Variants in AGBL4 observed in about 807,000 individuals in gnomAD.
The protein encoded by AGBL4 is cytosolic carboxypeptidase 6.
A neutral mutation model predicts 66.4 loss-of-function variants in AGBL4; 58 were observed. That is an observed-to-expected ratio of 0.87 (90% CI 0.71 to 1.09). The LOEUF is 1.09. Ranked by LOEUF, AGBL4 falls within the 50% of genes least tolerant of loss-of-function variation. The pLI is 0.00. For missense variants in AGBL4, 579 were observed against 631.0 expected (o/e 0.92, Z 0.88); for synonymous variants, 234 against 222.9 (o/e 1.05, Z -0.44).
At chr1:49,946,841 CA>C (rs1276276983) in intron 1 of AGBL4, among the ~76,000 whole-genome samples, 1 of 151,482 alleles carries the variant, frequency 6.6e-6, no homozygotes, top group Non-Finnish European at 1.5e-5. Flanking sequence ...AGAGAAGATC[CA>C]AATAAGCTCA....
At chr1:48,599,807 G>A (rs1645048483) in intron 9 of AGBL4, among the ~76,000 whole-genome samples, 1 of 152,218 alleles carries the variant, frequency 6.6e-6, no homozygotes, top group Non-Finnish European at 1.5e-5. Flanking sequence ...AAGACAGGAA[G>A]TGTCAAGTAG....
At chr1:49,043,645 T>A (rs1453389867) in intron 5 of AGBL4, among the ~76,000 whole-genome samples, 1 of 152,204 alleles carries the variant, frequency 6.6e-6, no homozygotes, top group African/African-American at 2.4e-5. Flanking sequence ...TGCTGACTCA[T>A]ATACCATGTA....
intron 1 of AGBL4, among the ~76,000 whole-genome samples, chr1:49,881,956 C>T (rs2148144906): frequency 6.6e-6 from 1 of 152,228 alleles, no homozygotes; most frequent in East Asian, 1.9e-4. Context: ...ACATGAAGTC[C>T]TTGCCTGTGC....
intron 1 of AGBL4, among the ~76,000 whole-genome samples, chr1:49,937,506 G>A (rs1334725865): frequency 6.6e-6 from 1 of 151,992 alleles, no homozygotes; most frequent in Non-Finnish European, 1.5e-5. Context: ...GACATCTACA[G>A]AACTCTCCAC....
At chr1:48,892,153 C>T (rs529774382) in intron 5 of AGBL4, among the ~76,000 whole-genome samples, 4 of 152,222 alleles carry the variant, frequency 2.6e-5, no homozygotes, top group East Asian at 1.9e-4. Context: ...CTGGTGGTTG[C>T]TGGCAGTCTT....
chr1:49,068,054 T>C (rs1644524482), intron 4 of AGBL4, among the ~76,000 whole-genome samples: 1 of 152,104 alleles, frequency 6.6e-6, no homozygotes, highest in African/African-American at 2.4e-5. Flanking sequence ...TGGTACAATG[T>C]GTGCATTAAA....
intron 2 of AGBL4, among the ~76,000 whole-genome samples, chr1:49,744,361 A>T (rs922091028): frequency 4.6e-5 from 7 of 152,042 alleles, no homozygotes; most frequent in Non-Finnish European, 1.5e-5. Flanking sequence ...GCCTTTTGCC[A>T]TGATTGGAAA....
intron 5 of AGBL4, among the ~76,000 whole-genome samples, chr1:48,939,568 T>C (rs189570326): frequency 3.9e-5 from 6 of 152,302 alleles, no homozygotes; most frequent in Admixed American, 3.9e-4. Flanking sequence ...GGCTGGATGT[T>C]GATCTGCTCT....
rs563651975 is a variant in AGBL4 at position 49,502,222 on chromosome 1, G to A, written c.282+195091C>T. ...TTGGCCACAGACTGGAGGCTGCACT[G>A]TTGGCTTTCCTACTTTTGAGGTTTT... On this transcript the variant is annotated intron_variant, in intron 3 of 13. Coordinates refer to ENST00000371839, the MANE Select transcript of AGBL4 (RefSeq NM_032785.4). 3.7e-3 allele frequency among the ~76,000 whole-genome samples: 566 copies of A among 152,254 alleles called. 4 individuals are homozygous for A. The highest frequency in any genetic ancestry group is 6.4e-3 in the Non-Finnish European group (432 of 68,022).
intron 13 of AGBL4, among the ~76,000 whole-genome samples, 196 bp from the exon 14 acceptor site, chr1:48,534,489 G>A (rs1234273246): frequency 6.6e-6 from 1 of 152,182 alleles, no homozygotes; most frequent in Non-Finnish European, 1.5e-5. Flanking sequence ...TATAGCTTAG[G>A]AGAGGGGATA....
At chr1:49,843,597 G>GC (rs1475832363) in intron 2 of AGBL4, among the ~76,000 whole-genome samples, 4 of 152,148 alleles carry the variant, frequency 2.6e-5, no homozygotes, top group African/African-American at 7.2e-5. Flanking sequence ...AAGGACACTT[G>GC]TGATTACACA....
At chr1:49,372,104 A>T (rs1461633567) in intron 3 of AGBL4, among the ~76,000 whole-genome samples, 1 of 152,142 alleles carries the variant, frequency 6.6e-6, no homozygotes, top group African/African-American at 2.4e-5. Context: ...CTTAGAAGAC[A>T]TTACAGAAAG....
chr1:49,788,934 A>G (rs1286680930), intron 2 of AGBL4, among the ~76,000 whole-genome samples: 1 of 152,200 alleles, frequency 6.6e-6, no homozygotes, highest in Non-Finnish European at 1.5e-5. Flanking sequence ...TTCAAAGAGA[A>G]TGCTTCCGGC....
intron 11 of AGBL4, among the ~76,000 whole-genome samples, chr1:48,563,371 T>C (rs1164591921): frequency 6.6e-6 from 1 of 152,196 alleles, no homozygotes; most frequent in African/African-American, 2.4e-5. Flanking sequence ...AGCCATCAAT[T>C]AACCACTGGG....
chr1:48,775,650 G>C (rs1477298903), intron 6 of AGBL4, among the ~76,000 whole-genome samples: 1 of 152,180 alleles, frequency 6.6e-6, no homozygotes, highest in Non-Finnish European at 1.5e-5. Context: ...CTGGGAAAGA[G>C]GGCCAGCTGT....
At chr1:48,605,020 T>C (rs944390777) in intron 9 of AGBL4, among the ~76,000 whole-genome samples, 3 of 152,236 alleles carry the variant, frequency 2.0e-5, no homozygotes, top group African/African-American at 7.2e-5. Flanking sequence ...CTTTGACACA[T>C]GAAATACTAT....
chr1:49,959,795 C>G (rs1656971219), intron 1 of AGBL4, among the ~76,000 whole-genome samples: 1 of 151,982 alleles, frequency 6.6e-6, no homozygotes, highest in African/African-American at 2.4e-5. Flanking sequence ...TGCTCATCAA[C>G]AGTAAACTGG....
chr1:49,118,376 T>C (rs1367195225), intron 4 of AGBL4, among the ~76,000 whole-genome samples: 3 of 152,232 alleles, frequency 2.0e-5, no homozygotes, highest in Non-Finnish European at 2.9e-5. Context: ...CTCTTATTAA[T>C]TTGAGATACA....
intron 4 of AGBL4, among the ~76,000 whole-genome samples, chr1:49,213,759 G>T (rs919771809): frequency 2.6e-5 from 4 of 152,040 alleles, no homozygotes; most frequent in Non-Finnish European, 5.9e-5. Context: ...GAATTAAGAG[G>T]TTTGAGATCC....
Sources: gnomAD v4.1 joint callset for allele counts (sites outside exome capture counted in the v4.1 genomes callset) on GRCh38, gnomAD v4.1.1 for gene constraint, MANE v1.5 for transcripts, NCBI Gene and HGNC (gene_info 2026-07-23, HGNC 2026-07-21) for gene names.